The following TOGARAM1 variants were observed in gnomAD, a reference collection of about 807,000 sequenced individuals.
The protein encoded by TOGARAM1 is TOG array regulator of axonemal microtubules protein 1.
In TOGARAM1, 100 loss-of-function variants were observed where a neutral mutation model predicts 166.6. The ratio of observed to expected loss-of-function variants is 0.60; its 90% CI spans 0.51 to 0.71. The LOEUF is 0.71. Among genes scored for constraint, TOGARAM1 ranks in the 30% least tolerant of loss-of-function variants. The pLI is 0.00. For synonymous variants in TOGARAM1, 758 were observed against 763.8 expected (o/e 0.99, Z 0.13); for missense variants, 2,029 against 2,102.7 (o/e 0.96, Z 0.69).
chr14:44,988,319 TATG>T (rs1319922623), intron 1 of TOGARAM1, among the ~76,000 whole-genome samples: 4 of 152,342 alleles, frequency 2.6e-5, no homozygotes, highest in South Asian at 2.1e-4. Flanking sequence ...AACGTATTAA[TATG>T]ATGTTTATGA....
At chr14:45,007,617 TAGTAG>T (rs1879534624) in intron 5 of TOGARAM1, 2 of 152,120 alleles carry the variant, frequency 1.3e-5, no homozygotes, top group South Asian at 4.1e-4. Context: ...TTAAATCAAC[TAGTAG>T]AGTTGTTGAA....
intron 1 of TOGARAM1, among the ~76,000 whole-genome samples, chr14:44,965,237 A>G (rs952635032): frequency 1.3e-5 from 2 of 152,172 alleles, no homozygotes; most frequent in Non-Finnish European, 2.9e-5. Flanking sequence ...TTTTATAACC[A>G]TAAATCATTA....
In TOGARAM1 at chr14:45,011,994, T is replaced by A. The variant is rs1427903842; in HGVS notation, c.3157T>A (p.Phe1053Ile). The change falls in exon 7 of 20, where the codon TTT (phenylalanine) becomes ATT (isoleucine). Residue 1053 changes from phenylalanine (F) to isoleucine (I), a missense_variant. Physicochemically the swap from Phe to Ile is conservative, Grantham distance 21. Transcript: ENST00000361462. ...TTGCAGGTCAGACATATTTCCAACA[T>A]TTGGGTCAAAACCTTGTCCAACAAG... ...KRIMSDIFPT[F>I]GSKPCPTRLS... 1 of 1,606,812 alleles carries A rather than the reference T, an allele frequency of 6.2e-7. No homozygotes were observed.
chr14:44,988,255 AAAAAAT>A, intron 1 of TOGARAM1, among the ~76,000 whole-genome samples: 1 of 152,308 alleles, frequency 6.6e-6, no homozygotes, highest in South Asian at 2.1e-4. Flanking sequence ...AAAGTATAAA[AAAAAAT>A]CGTAAAAGCT....
intron 7 of TOGARAM1, among the ~76,000 whole-genome samples, chr14:45,023,584 A>AT (rs1181761470): frequency 4.6e-5 from 7 of 152,194 alleles, no homozygotes; most frequent in African/African-American, 7.2e-5. Flanking sequence ...TTACTCAGGT[A>AT]TGCCAGGGGT....
chr14:45,043,716 T>C lies in TOGARAM1; in HGVS notation c.3843T>C (p.Ile1281=). The part of the protein sequence containing the change: ...WEKKIEGLNF[I]RCLAAFHSEI... ...AGAAAATTGAGGGACTGAATTTTAT[T>C]AGATGCTTAGCTGCTTTTCATTCTG... is the stretch of plus-strand genomic sequence containing the variant. The change falls in exon 12 of 20, where the codon ATT becomes ATC. Residue 1281 remains isoleucine (I), a synonymous_variant. Coordinates refer to ENST00000361462, the MANE Select transcript of TOGARAM1 (RefSeq NM_001308120.2). 6.2e-7 allele frequency: 1 copy of C among 1,612,802 alleles called. No homozygotes were observed. The highest frequency in any genetic ancestry group is 2.2e-5 in the East Asian group (1 of 44,854).
intron 7 of TOGARAM1, among the ~76,000 whole-genome samples, chr14:45,014,814 T>C (rs1448727881): frequency 2.0e-5 from 3 of 152,164 alleles, no homozygotes; most frequent in Admixed American, 1.3e-4. Context: ...ATTTTATGAA[T>C]TAACTATCAA....
Position 44,999,478 on chromosome 14 carries a change from T to C in TOGARAM1, c.2319T>C (p.Thr773=). The change falls in exon 3 of 20, where the codon ACT becomes ACC. Residue 773 remains threonine (T), a synonymous_variant. Transcript: ENST00000361462. ...CTGACTTACAATTCCTAGGGACAAC[T>C]AGCAGTCATCAAGAAAAAGGTATAA... ...VGSDLQFLGT[T]SSHQEKVYAS... is the part of the protein sequence containing the mutation. The C allele has an allele frequency of 6.2e-7, 1 of 1,606,568 alleles. No homozygotes were observed. The highest frequency in any genetic ancestry group is 8.5e-7 in the Non-Finnish European group (1 of 1,175,920).
chr14:44,980,207 AGTCCACT>A (rs1047333962), intron 1 of TOGARAM1, among the ~76,000 whole-genome samples: 18 of 152,182 alleles, frequency 1.2e-4, no homozygotes, highest in Non-Finnish European at 2.2e-4. Context: ...TAACATTTAC[AGTCCACT>A]GTTAATCTGT....
chr14:44,962,303 G>C lies in TOGARAM1; in HGVS notation c.-119G>C. ...GGGGGCGGCCTGGCGGCAGGCTGAA[G>C]CTGTTCTTTTGCCTCTTCTGCAGCT... On this transcript the variant is annotated 5_prime_UTR_variant, in exon 1 of 20. Transcript: ENST00000361462. 1.5e-6 allele frequency: 2 copies of C among 1,297,878 alleles called. No homozygotes were observed. The highest frequency in any genetic ancestry group is 2.6e-5 in the East Asian group (1 of 38,778). The allele number at this position is 1,297,878 out of a possible 1,614,324, so 80.4% of individuals were successfully genotyped here. A position where few individuals can be genotyped will look rare whatever the true frequency, so the allele number is the denominator to read the frequency against.
intron 13 of TOGARAM1, 123 bp downstream of exon 13, chr14:45,044,993 T>G: frequency 3.1e-6 from 2 of 638,736 alleles, no homozygotes; most frequent in Non-Finnish European, 5.2e-6. Flanking sequence ...ATTAAAAAGT[T>G]CCTATGAGAT....
At position 45,068,541 on chromosome 14, in the gene TOGARAM1, A is replaced by G. The variant is rs1422197272; in HGVS notation, c.4867A>G (p.Asn1623Asp). 6.2e-7 allele frequency: 1 copy of G among 1,613,450 alleles called. No homozygotes were observed. The highest frequency in any genetic ancestry group is 1.7e-5 in the Admixed American group (1 of 59,936). Residue 1623 changes from asparagine (N) to aspartate (D), a missense_variant, in exon 18 of 20, where the codon AAC becomes GAC. Physicochemically the swap from Asn to Asp is conservative, Grantham distance 23 (BLOSUM62 1). Coordinates refer to ENST00000361462, the MANE Select transcript of TOGARAM1 (RefSeq NM_001308120.2). The part of the protein sequence containing the change: ...LLRDHLSPII[N>D]MLIPAIVDNN... ...TAGAGACCACTTATCTCCTATAATC[A>G]ACATGCTAATTCCAGCAATAGTGGA... is the stretch of plus-strand genomic sequence containing the variant.
intron 11 of TOGARAM1, among the ~76,000 whole-genome samples, chr14:45,043,454 A>C (rs1881827924): frequency 6.6e-6 from 1 of 152,012 alleles, no homozygotes; most frequent in African/African-American, 2.4e-5. Flanking sequence ...GGTATTACAG[A>C]TATGATTCAC....
intron 10 of TOGARAM1, 42 bp downstream of exon 10, chr14:45,028,371 T>A: frequency 6.4e-7 from 1 of 1,562,998 alleles, no homozygotes; most frequent in Middle Eastern, 1.7e-4. Context: ...TTTCTAGTAA[T>A]TGTCTAAAGC....
intron 16 of TOGARAM1, among the ~76,000 whole-genome samples, chr14:45,063,861 C>T (rs542986820): frequency 1.3e-5 from 2 of 152,252 alleles, no homozygotes; most frequent in East Asian, 3.9e-4. Context: ...GGGCCCTGTC[C>T]TTGACCTGCC....
rs1778087547 is a variant in TOGARAM1 at position 45,073,427 on chromosome 14, G to T, written c.5188G>T (p.Ala1730Ser). 6.2e-7 allele frequency: 1 copy of T among 1,614,018 alleles called. No homozygotes were observed. The highest frequency in any genetic ancestry group is 1.1e-5 in the South Asian group (1 of 91,094). ...LPGAGGNIRT[A>S]TAKLSKALFA... is the part of the protein sequence containing the mutation. ...TGGAGCTGGAGGAAATATACGAACA[G>T]CCACAGCTAAATTATCAAAAGCACT... Residue 1730 changes from alanine (A) to serine (S), a missense_variant, in exon 20 of 20, where the codon GCC (alanine) becomes TCC (serine). Ala to Ser is a moderately conservative substitution (Grantham distance 99). Transcript: ENST00000361462.
chr14:44,990,186 A>G (rs547528224), intron 1 of TOGARAM1, among the ~76,000 whole-genome samples: 10 of 152,348 alleles, frequency 6.6e-5, no homozygotes, highest in Middle Eastern at 3.4e-3. Context: ...CAGATTCTAG[A>G]TTCCCTGCCA....
chr14:44,996,115 G>C (rs888392106), intron 2 of TOGARAM1: 3 of 327,030 alleles, frequency 9.2e-6, no homozygotes, highest in Non-Finnish European at 1.6e-5. Flanking sequence ...ATTAATATAG[G>C]GCAATATTTG....
intron 7 of TOGARAM1, among the ~76,000 whole-genome samples, chr14:45,025,322 T>C (rs543272404): frequency 1.3e-5 from 2 of 152,098 alleles, no homozygotes; most frequent in South Asian, 4.1e-4. Context: ...TACCAGCACT[T>C]TGGGAGGCCG....
Sources: gnomAD v4.1 joint callset for allele counts (sites outside exome capture counted in the v4.1 genomes callset) on GRCh38, gnomAD v4.1.1 for gene constraint, MANE v1.5 for transcripts, NCBI Gene and HGNC (gene_info 2026-07-23, HGNC 2026-07-21) for gene names.